The following AMOTL2 variants were observed in gnomAD, a reference collection of about 807,000 sequenced individuals.
AMOTL2 encodes the protein angiomotin like 2.
A neutral mutation model predicts 78.4 loss-of-function variants in AMOTL2; 33 were observed. The observed-to-expected ratio is 0.42, with a 90% CI of 0.32 to 0.56. AMOTL2 has a LOEUF of 0.56. AMOTL2 is among the 20% of genes least tolerant of loss of function. The probability of loss-of-function intolerance (pLI) is 0.12; values close to 1 mark genes in which losing one functional copy is unlikely to be tolerated. For missense variants in AMOTL2, 983 were observed against 1,030.1 expected, an observed-to-expected ratio of 0.95 and a Z score of 0.63; for synonymous variants, 422 against 428.8, an observed-to-expected ratio of 0.98 and a Z score of 0.20.
In AMOTL2 at chr3:134,355,700, A is replaced by G. The variant is rs2017052058; in HGVS notation, c.*2005T>C. Among the ~76,000 whole-genome samples, 2 of 152,202 alleles carry G rather than the reference A, an allele frequency of 1.3e-5. No homozygotes were observed. The highest frequency in any genetic ancestry group is 4.8e-5 in the African/African-American group (2 of 41,436). ...AGCCTTCAAGAAATGTTATCTATGA[A>G]AGGGGAAAAATGCCAGCCACATCCT... On this transcript the variant is annotated 3_prime_UTR_variant, in exon 10 of 10. Transcript: ENST00000249883.
Position 134,365,835 on chromosome 3 carries a change from C to A in AMOTL2, c.1261G>T (p.Ala421Ser). 6.2e-7 allele frequency: 1 copy of A among 1,614,072 alleles called. No homozygotes were observed. Among genetic ancestry groups the A allele is most frequent in the Non-Finnish European group, 8.5e-7 (1 of 1,180,022 alleles). Residue 421 changes from alanine (A) to serine (S), a missense_variant, in exon 5 of 10, where the codon GCC (alanine) becomes TCC (serine). Ala to Ser is a moderately conservative substitution (Grantham distance 99). Transcript: ENST00000249883. Reference protein sequence around the residue: ...EAQAGSQDMVAKLLAQSYEQQ... With the variant: ...EAQAGSQDMVSKLLAQSYEQQ... ...TACTCACTCTGAGCAAGCAGCTTGG[C>A]CACCATGTCCTGACTGCCGGCCTGG...
At chr3:134,361,861 T>G in intron 5 of AMOTL2, 54 bp from the exon 6 acceptor site, 2 of 1,458,886 alleles carry the variant, frequency 1.4e-6, no homozygotes, top group Non-Finnish European at 1.8e-6. Context: ...GCTGGCCCCA[T>G]TGCCTCCTGG....
upstream of AMOTL2, chr3:134,374,857 C>A: frequency 8.2e-7 from 1 of 1,222,338 alleles, no homozygotes; most frequent in Non-Finnish European, 1.0e-6. Flanking sequence ...ACAGCAAGGG[C>A]TGTACCACGC....
Position 134,365,823 on chromosome 3 carries a change from C to G in AMOTL2, c.1273G>C (p.Ala425Pro). The G allele has an allele frequency of 6.2e-7, 1 of 1,613,994 alleles. No individual in the cohort carries two copies. The highest frequency in any genetic ancestry group is 8.5e-7 in the Non-Finnish European group (1 of 1,179,984). ...GSQDMVAKLL[A>P]QSYEQQQEQE... ...TAGTGGGGCCCCTACTCACTCTGAGCAAGCAGCTTGGCCACCATGTCCTGA... is the reference window on the plus strand; with the variant it reads ...TAGTGGGGCCCCTACTCACTCTGAGGAAGCAGCTTGGCCACCATGTCCTGA... Residue 425 changes from alanine to proline, a missense_variant, in exon 5 of 10, where the codon GCT becomes CCT. Physicochemically the swap from Ala to Pro is conservative, Grantham distance 27 (BLOSUM62 -1). Transcript: ENST00000249883.
Position 134,357,061 on chromosome 3 carries a change from T to G in AMOTL2, c.*644A>C, listed in dbSNP as rs1361178186. 6.5e-6 allele frequency: 1 copy of G among 153,194 alleles called. No individual in the cohort carries two copies. The highest frequency in any genetic ancestry group is 2.4e-5 in the African/African-American group (1 of 41,448). 9.5% of individuals were successfully genotyped at this position (153,194 alleles called of 1,614,324 possible). ...TTCTGTTCCACAAGAAAGGGAATTATATACAAACTGCGCACTGTCTCCCAG... is the reference window on the plus strand; with the variant it reads ...TTCTGTTCCACAAGAAAGGGAATTAGATACAAACTGCGCACTGTCTCCCAG... On this transcript the variant is annotated 3_prime_UTR_variant, in exon 10 of 10. Transcript: ENST00000249883.
At position 134,367,761 on chromosome 3, in the gene AMOTL2, C is replaced by T. The variant is rs2017677892; in HGVS notation, c.777G>A (p.Gln259=). ...AQVPPVFLQQ[Q]QQYQYLQQSQ... ...ATTGCTGCAGGTACTGGTACTGCTGCTGCTGTTGGAGGAACACAGGAGGCA... is the reference window on the plus strand; with the variant it reads ...ATTGCTGCAGGTACTGGTACTGCTGTTGCTGTTGGAGGAACACAGGAGGCA... The change falls in exon 3 of 10, where the codon CAG becomes CAA. Residue 259 remains glutamine, a synonymous_variant. Coordinates refer to ENST00000249883, the MANE Select transcript of AMOTL2 (RefSeq NM_016201.4). 6.2e-7 allele frequency: 1 copy of T among 1,613,758 alleles called. No individual in the cohort carries two copies. The highest frequency in any genetic ancestry group is 8.5e-7 in the Non-Finnish European group (1 of 1,180,006).
chr3:134,357,814 C>T (rs1011329782), intron 9 of AMOTL2, 51 bp from the exon 10 acceptor site: 1 of 1,562,690 alleles, frequency 6.4e-7, no homozygotes, highest in Non-Finnish European at 8.8e-7. Flanking sequence ...TACTAGATTG[C>T]TTTTAAAATC....
At position 134,371,508 on chromosome 3, in the gene AMOTL2, G is replaced by A. The variant is rs1410274618; in HGVS notation, c.-61-14C>T. On this transcript the variant is annotated splice_polypyrimidine_tract_variant and intron_variant, in intron 1 of 9. Transcript: ENST00000249883. ...GCCCCAGAGCACCTGGAGTGGGGTGGGGAGAGAGAGAGAGAAAAGCAATCA... is the reference window on the plus strand; with the variant it reads ...GCCCCAGAGCACCTGGAGTGGGGTGAGGAGAGAGAGAGAGAAAAGCAATCA... 2.5e-6 allele frequency: 4 copies of A among 1,579,500 alleles called. No individual in the cohort carries two copies. In the East Asian group the frequency reaches 9.0e-5, roughly 36 times the overall value.
In AMOTL2 at chr3:134,371,046, C is replaced by A. The variant is rs761787826; in HGVS notation, c.388G>T (p.Asp130Tyr). The A allele has an allele frequency of 2.3e-5, 37 of 1,607,948 alleles. No individual in the cohort carries two copies. The highest frequency in any genetic ancestry group is 3.4e-5 in the Admixed American group (2 of 59,182). The change falls in exon 2 of 10, where the codon GAC (aspartate) becomes TAC (tyrosine). Residue 130 changes from aspartate (D) to tyrosine (Y), a missense_variant. Asp to Tyr is a radical substitution (Grantham distance 160). Coordinates refer to ENST00000249883, the MANE Select transcript of AMOTL2 (RefSeq NM_016201.4). ...QQAGTRPHAG[D>Y]RDPRGAPGGS... is the part of the protein sequence containing the mutation. ...CCCGGGGCCCCACGGGGATCTCGGT[C>A]CCCCGCATGTGGCCGGGTCCCTGCC...
Position 134,371,410 on chromosome 3 carries a change from C to G in AMOTL2, c.24G>C (p.Ser8=), listed in dbSNP as rs772176756. ...GGATGAGGCGGTGCAGGACTGTCCC[C>G]GAGGAGTCTTCCAGTGTCCTCATGC... is the stretch of plus-strand genomic sequence containing the variant. MRTLEDS[S]GTVLHRLIQE... Residue 8 remains serine, a synonymous_variant, in exon 2 of 10, where the codon TCG becomes TCC. Transcript: ENST00000249883. 1 of 1,604,616 alleles carries G rather than the reference C, an allele frequency of 6.2e-7. No homozygotes were observed. The highest frequency in any genetic ancestry group is 8.5e-7 in the Non-Finnish European group (1 of 1,179,968).
At chr3:134,372,940 T>TGGGG (rs1430048881) in intron 1 of AMOTL2, among the ~76,000 whole-genome samples, 2 of 20,198 alleles carry the variant, frequency 9.9e-5, no homozygotes, top group African/African-American at 1.9e-4. Flanking sequence ...GGGCAGGGGT[T>TGGGG]GGGGGGGTGG....
chr3:134,360,519 C>T (rs2017311503), intron 6 of AMOTL2, 106 bp from the exon 7 acceptor site: 6 of 951,892 alleles, frequency 6.3e-6, no homozygotes, highest in African/African-American at 1.6e-5. Context: ...ACGTGTTCAG[C>T]CATACACAGC....
chr3:134,367,713 T>C lies in AMOTL2; in HGVS notation c.825A>G (p.Pro275=). ...LQQSQEHPPP[P]HPAALGHGPL... Reference sequence around the variant, plus strand: ...GGCCATGGCCGAGAGCAGCTGGATGTGGGGGAGGGGGGTGCTCCTGAGATT... The same window carrying C: ...GGCCATGGCCGAGAGCAGCTGGATGCGGGGGAGGGGGGTGCTCCTGAGATT... Residue 275 remains proline (P), a synonymous_variant, in exon 3 of 10, where the codon CCA becomes CCG. Coordinates refer to ENST00000249883, the MANE Select transcript of AMOTL2 (RefSeq NM_016201.4). 1 of 1,613,468 alleles carries C rather than the reference T, an allele frequency of 6.2e-7. No homozygotes were observed.
intron 5 of AMOTL2, among the ~76,000 whole-genome samples, chr3:134,362,548 G>A (rs1460687979): frequency 1.3e-5 from 2 of 152,176 alleles, no homozygotes. Flanking sequence ...TTCCTTCCAT[G>A]GTCTGAAAAG....
At chr3:134,372,086 A>G (rs192485217) in intron 1 of AMOTL2, among the ~76,000 whole-genome samples, 87 of 152,290 alleles carry the variant, frequency 5.7e-4, no homozygotes, top group African/African-American at 1.9e-3. Context: ...GAGGCATGCC[A>G]GAGTCCAGCC....
At position 134,371,046 on chromosome 3, in the gene AMOTL2, C is replaced by T. The variant is rs761787826; in HGVS notation, c.388G>A (p.Asp130Asn). The T allele has an allele frequency of 7.5e-6, 12 of 1,608,066 alleles. No individual in the cohort carries two copies. The highest frequency in any genetic ancestry group is 1.3e-5 in the African/African-American group (1 of 74,968). Residue 130 changes from aspartate to asparagine, a missense_variant, in exon 2 of 10, where the codon GAC (aspartate) becomes AAC (asparagine). Asp to Asn is a conservative substitution (Grantham distance 23). Transcript: ENST00000249883. ...QQAGTRPHAG[D>N]RDPRGAPGGS... ...CCCGGGGCCCCACGGGGATCTCGGT[C>T]CCCCGCATGTGGCCGGGTCCCTGCC...
rs1311192148 is a variant in AMOTL2 at position 134,371,259 on chromosome 3, C to T, written c.175G>A (p.Ala59Thr). The T allele has an allele frequency of 6.2e-7, 1 of 1,612,746 alleles. No individual in the cohort carries two copies. Among genetic ancestry groups the T allele is most frequent in the Non-Finnish European group, 8.5e-7 (1 of 1,179,980 alleles). ...TGCAGCACCTGACTGTCCTCTGGGG[C>T]CAGGATCTCCAGGGAGGCCTGGGGG... ...GSPQASLEILAPEDSQVLQQA... is the reference protein window; with the variant it reads ...GSPQASLEILTPEDSQVLQQA... Residue 59 changes from alanine to threonine, a missense_variant, in exon 2 of 10, where the codon GCC becomes ACC. Coordinates refer to ENST00000249883, the MANE Select transcript of AMOTL2 (RefSeq NM_016201.4).
intron 5 of AMOTL2, among the ~76,000 whole-genome samples, chr3:134,362,918 C>G (rs1275683085): frequency 6.6e-6 from 1 of 152,180 alleles, no homozygotes; most frequent in Non-Finnish European, 1.5e-5. Context: ...GTCTCTAGAA[C>G]AGCATTCTGA....
Position 134,366,268 on chromosome 3 carries a change from G to A in AMOTL2, c.1186+15C>T. The stretch of plus-strand genomic sequence containing the variant: ...CAGAGGTTCTCCAACCTCCACCTGT[G>A]TGACTGGCTCTCACCTCTAAGATCC... On this transcript the variant is annotated intron_variant, in intron 4 of 9. Transcript: ENST00000249883. The A allele has an allele frequency of 6.2e-7, 1 of 1,613,208 alleles. No homozygotes were observed. Among genetic ancestry groups the A allele is most frequent in the Admixed American group, 1.7e-5 (1 of 59,810 alleles).
Sources: gnomAD v4.1 joint callset for allele counts (sites outside exome capture counted in the v4.1 genomes callset) on GRCh38, gnomAD v4.1.1 for gene constraint, MANE v1.5 for transcripts, NCBI Gene and HGNC (gene_info 2026-07-23, HGNC 2026-07-21) for gene names.